DROSHA: variants seen among roughly 807,000 people sequenced by gnomAD.
DROSHA encodes the protein drosha ribonuclease III.
In DROSHA, 56 loss-of-function variants were observed where a neutral mutation model predicts 181.9. The ratio of observed to expected loss-of-function variants is 0.31; its 90% CI spans 0.25 to 0.38. The LOEUF (loss-of-function observed/expected upper bound fraction) is 0.38. DROSHA is among the 10% of genes least tolerant of loss of function. DROSHA has a pLI of 1.00. For synonymous variants in DROSHA, 524 were observed against 591.2 expected (o/e 0.89, Z 1.65); for missense variants, 1,218 against 1,743.5 (o/e 0.70, Z 5.37).
chr5:31,483,574 C>T lies in DROSHA; in HGVS notation c.2051G>A (p.Arg684His), dbSNP rs1580251302. ...TTTACCTGGAAGAAATCTTACAAAA[C>T]GTGGCATGAAATGAAATCTTGGGCA... ...PCCPRFHFMP[R>H]FVRFLPDGGK... is the part of the protein sequence containing the mutation. Residue 684 changes from arginine to histidine, a missense_variant, in exon 16 of 36, where the codon CGT becomes CAT. Physicochemically the swap from Arg to His is conservative, Grantham distance 29 (BLOSUM62 0). Around this residue, in one of 8 missense-constraint regions of DROSHA, gnomAD observed 460 missense variants for 774.2 expected, o/e 0.59. Coordinates refer to ENST00000344624, the MANE Select transcript of DROSHA (RefSeq NM_001382508.1). 7 of 1,610,856 alleles carry T rather than the reference C, an allele frequency of 4.3e-6. No individual in the cohort carries two copies. The highest frequency in any genetic ancestry group is 5.9e-6 in the Non-Finnish European group (7 of 1,179,368).
intron 23 of DROSHA, among the ~76,000 whole-genome samples, chr5:31,437,644 G>A (rs866357021): frequency 6.6e-6 from 1 of 152,008 alleles, no homozygotes. Context: ...TGCCTTCAGT[G>A]GATTTTCTGA....
intron 11 of DROSHA, among the ~76,000 whole-genome samples, chr5:31,503,110 G>C (rs6883000): frequency 6.6e-6 from 1 of 152,020 alleles, no homozygotes. Flanking sequence ...AGAGGTACCA[G>C]GGTACCAAGC....
At chr5:31,479,718 C>CTATATTCACTATATATAACA (rs1750800899) in intron 16 of DROSHA, among the ~76,000 whole-genome samples, 2 of 151,960 alleles carry the variant, frequency 1.3e-5, no homozygotes, top group African/African-American at 4.8e-5. Context: ...TATTCATGTT[C>CTATATTCACTATATATAACA]TATATTCACT....
rs760926045 is a variant in DROSHA, at chr5:31,515,473, G to T, written c.1039C>A (p.Pro347Thr). ...ACTTACTGATTCACAATCTCCAGGG[G>T]TGGGGCCCAAGAATCTGTATTTTTA... ...IIKNTDSWAP[P>T]LEIVNHRSPS... is the part of the protein sequence containing the mutation. Residue 347 changes from proline to threonine, a missense_variant, in exon 7 of 36, where the codon CCC becomes ACC. Physicochemically the swap from Pro to Thr is conservative, Grantham distance 38. Transcript: ENST00000344624. The T allele has an allele frequency of 1.4e-6, 2 of 1,413,224 alleles. No homozygotes were observed. Among genetic ancestry groups the T allele is most frequent in the South Asian group, 2.5e-5 (2 of 81,304 alleles). 87.5% of individuals were successfully genotyped at this position (1,413,224 alleles called of 1,614,324 possible).
chr5:31,528,923 G>T, intron 4 of DROSHA, 117 bp downstream of exon 4: 3 of 1,359,118 alleles, frequency 2.2e-6, no homozygotes, highest in Non-Finnish European at 3.1e-6. Context: ...GAAAGAATGA[G>T]CACATTATCC....
intron 23 of DROSHA, 35 bp from the exon 24 acceptor site, chr5:31,437,333 C>A (rs1346515296): frequency 1.1e-5 from 17 of 1,533,050 alleles, no homozygotes; most frequent in Admixed American, 2.0e-5. Flanking sequence ...CTTAATACAG[C>A]ATATTAACAC....
At chr5:31,502,671 A>G (rs1404943210) in intron 11 of DROSHA, among the ~76,000 whole-genome samples, 1 of 152,244 alleles carries the variant, frequency 6.6e-6, no homozygotes, top group Admixed American at 6.5e-5. Flanking sequence ...CTGTTGCACC[A>G]GCTCCCCTCC....
intron 20 of DROSHA, among the ~76,000 whole-genome samples, chr5:31,456,991 C>G (rs1009258799): frequency 6.6e-6 from 1 of 152,070 alleles, no homozygotes; most frequent in African/African-American, 2.4e-5. Flanking sequence ...GCCATCACAC[C>G]TGGTCCAGAC....
chr5:31,515,346 T>A (rs1052963356), intron 7 of DROSHA, 108 bp downstream of exon 7: 2 of 1,166,118 alleles, frequency 1.7e-6, no homozygotes, highest in African/African-American at 1.6e-5. Flanking sequence ...CCGTGTGTAC[T>A]TTTGTTAAAC....
rs148901988 is a variant in DROSHA, at chr5:31,466,140, C to T, written c.2466+42G>A. ...CAACAATCACGAAATAAACCTGAAG[C>T]ACATCATCGTTAATCACCAAGGAAT... On this transcript the variant is annotated intron_variant, in intron 19 of 35. Transcript: ENST00000344624. 1.4e-3 allele frequency: 2,264 copies of T among 1,576,108 alleles called. 12 individuals are homozygous for T. The highest frequency in any genetic ancestry group is 5.5e-3 in the South Asian group (494 of 89,984).
intron 16 of DROSHA, among the ~76,000 whole-genome samples, chr5:31,477,017 G>A (rs546237345): frequency 2.6e-5 from 4 of 152,332 alleles, no homozygotes; most frequent in Admixed American, 2.6e-4. Context: ...AAATAAATAG[G>A]ACATGATATA....
At chr5:31,507,458 CAAAA>C (rs74582937) in intron 10 of DROSHA, among the ~76,000 whole-genome samples, 1 of 122,814 alleles carries the variant, frequency 8.1e-6, no homozygotes, top group African/African-American at 3.1e-5. Flanking sequence ...AACTCTGTCT[CAAAA>C]AAAAAAAAAA....
chr5:31,477,885 G>T (rs944976363), intron 16 of DROSHA, among the ~76,000 whole-genome samples: 2 of 152,192 alleles, frequency 1.3e-5, no homozygotes, highest in Non-Finnish European at 2.9e-5. Context: ...ATTGCTCTAT[G>T]ATTTGGTTTC....
chr5:31,487,548 G>A (rs1178955507), intron 13 of DROSHA, among the ~76,000 whole-genome samples: 6 of 152,154 alleles, frequency 3.9e-5, no homozygotes, highest in Admixed American at 6.5e-5. Context: ...TCCCAGAGAC[G>A]CGTTAACTGA....
chr5:31,407,877 G>A (rs1740842113), intron 33 of DROSHA, among the ~76,000 whole-genome samples: 1 of 152,116 alleles, frequency 6.6e-6, no homozygotes, highest in African/African-American at 2.4e-5. Context: ...TCACTCTGAT[G>A]AGGAAATGCT....
intron 20 of DROSHA, among the ~76,000 whole-genome samples, chr5:31,452,648 T>C (rs891067594): frequency 7.2e-5 from 11 of 152,222 alleles, no homozygotes; most frequent in Non-Finnish European, 1.6e-4. Flanking sequence ...TGTTTAAAAA[T>C]ACATGAAAAT....
rs1744707869 is a variant in DROSHA, at chr5:31,435,752, A to G, written c.3042+13T>C. On this transcript the variant is annotated intron_variant, in intron 25 of 35. Coordinates refer to ENST00000344624, the MANE Select transcript of DROSHA (RefSeq NM_001382508.1). ...TCAGACGTAACTACAAATGCTGCAGATGTCTTCTATACCTTTGCTAGCATG... is the reference window on the plus strand; with the variant it reads ...TCAGACGTAACTACAAATGCTGCAGGTGTCTTCTATACCTTTGCTAGCATG... 6.2e-7 allele frequency: 1 copy of G among 1,610,410 alleles called. No homozygotes were observed. The highest frequency in any genetic ancestry group is 1.1e-5 in the South Asian group (1 of 89,988).
At chr5:31,476,601 G>A (rs188897915) in intron 16 of DROSHA, among the ~76,000 whole-genome samples, 2 of 152,306 alleles carry the variant, frequency 1.3e-5, no homozygotes, top group East Asian at 1.9e-4. Flanking sequence ...AAACCTTAAA[G>A]AGATTTTATT....
intron 20 of DROSHA, among the ~76,000 whole-genome samples, chr5:31,459,766 C>T (rs1748171009): frequency 6.6e-6 from 1 of 152,170 alleles, no homozygotes; most frequent in Non-Finnish European, 1.5e-5. Context: ...TTCCAGATGG[C>T]CACTCTAGGA....
Sources: gnomAD v4.1 joint callset for allele counts (sites outside exome capture counted in the v4.1 genomes callset) on GRCh38, gnomAD v4.1.1 for gene constraint, gnomAD v4.1.1 regional missense constraint, MANE v1.5 for transcripts, NCBI Gene and HGNC (gene_info 2026-07-23, HGNC 2026-07-21) for gene names.